The following MGST1 variants were observed in gnomAD, a reference collection of about 807,000 sequenced individuals.
MGST1 encodes the protein glutathione S-transferase 12.
Under a neutral mutation model 8.9 loss-of-function variants are expected in MGST1, and 5 were observed. That is an observed-to-expected ratio of 0.56 (90% CI 0.29 to 1.19). The LOEUF (loss-of-function observed/expected upper bound fraction) is 1.19. MGST1 is among the 50% of genes most tolerant of loss of function. The pLI, the probability that MGST1 is intolerant of heterozygous loss-of-function variation, is 0.08. For synonymous variants in MGST1, 54 were observed against 67.8 expected (o/e 0.80, Z 1.00); for missense variants, 182 against 187.4 (o/e 0.97, Z 0.17).
At chr12:16,454,660 C>T (rs1044109071) in intron 4 of MGST1, among the ~76,000 whole-genome samples, 8 of 151,568 alleles carry the variant, frequency 5.3e-5, no homozygotes, top group East Asian at 1.9e-4. Flanking sequence ...TCATTTCTGA[C>T]GTCACAGAAT....
At chr12:16,376,390 T>A in exon 4 of MGST1, 1 of 336,112 alleles carries the variant, frequency 3.0e-6, no homozygotes, top group Non-Finnish European at 5.4e-6. Context: ...ACAAAAACAC[T>A]GACAAAAATC....
At chr12:16,384,308 C>T (rs1026068149) in intron 1 of MGST1, among the ~76,000 whole-genome samples, 1 of 152,096 alleles carries the variant, frequency 6.6e-6, no homozygotes, top group East Asian at 1.9e-4. Context: ...AGGGTTTGGG[C>T]AGACATAATT....
intron 1 of MGST1, among the ~76,000 whole-genome samples, chr12:16,350,369 T>C (rs534965098): frequency 1.4e-3 from 216 of 152,364 alleles, no homozygotes; most frequent in African/African-American, 5.1e-3. Context: ...TGTGCAAACA[T>C]GATTGATCAT....
Position 16,587,732 on chromosome 12 carries a change from C to A in MGST1, n.483-1796C>A, listed in dbSNP as rs1325144991. ...GACAAACAATGATATGTATTACATG[C>A]AGTAAACACTGCCTTTGGTACACAG... is the stretch of plus-strand genomic sequence containing the variant. On this transcript the variant is annotated intron_variant and non_coding_transcript_variant, in intron 4 of 4. Coordinates refer to the MGST1 transcript ENST00000538857. The surrounding 1 kb of genome is among the most constrained non-coding windows in gnomAD (Gnocchi z 4.3). Among the ~76,000 whole-genome samples, 3 of 151,636 alleles carry A rather than the reference C, an allele frequency of 2.0e-5. No individual in the cohort carries two copies. The South Asian group carries it at 6.2e-4, about 31-fold the overall frequency.
chr12:16,436,271 G>A lies in MGST1; in HGVS notation n.779-1117G>A, dbSNP rs538961601. Among the ~76,000 whole-genome samples the A allele has an allele frequency of 4.3e-3, 654 of 152,052 alleles. 2 individuals are homozygous for A. The highest frequency in any genetic ancestry group is 8.0e-3 in the Non-Finnish European group (542 of 67,932). On this transcript the variant is annotated intron_variant and non_coding_transcript_variant, in intron 1 of 1. Coordinates refer to the MGST1 transcript ENST00000359720. ...AAAAGCACTCTTGTAGGTACTGTGC[G>A]TGATAAAACAGACAAGGCAGGCCCT...
At position 16,394,518 on chromosome 12, in the gene MGST1, CTTTCTTTCTT is replaced by C. The variant is rs1565446387; in HGVS notation, n.778+10916_778+10925del. Among the ~76,000 whole-genome samples, 516 of 77,694 alleles carry C rather than the reference CTTTCTTTCTT, an allele frequency of 6.6e-3. 10 individuals are homozygous for C. Among genetic ancestry groups the C allele is most frequent in the African/African-American group, 0.021 (406 of 19,580 alleles). The allele number at this position is 77,694 out of a possible 152,430, so 51.0% of individuals were successfully genotyped here. ...TCTTTCTCTCTCTTTCTCTCCCTTTCTTTCTTTCTTTCTTTCTTTCTTTCTTTCTTTCTTT... is the reference window on the plus strand; with the variant it reads ...TCTTTCTCTCTCTTTCTCTCCCTTTCTCTTTCTTTCTTTCTTTCTTTCTTT... On this transcript the variant is annotated intron_variant and non_coding_transcript_variant, in intron 1 of 1. Coordinates refer to the MGST1 transcript ENST00000359720.
intron 4 of MGST1, among the ~76,000 whole-genome samples, chr12:16,507,052 G>A (rs1708615543): frequency 6.6e-6 from 1 of 152,028 alleles, no homozygotes; most frequent in African/African-American, 2.4e-5. Flanking sequence ...TAACCACATG[G>A]ATTTGTGGAA....
Position 16,544,670 on chromosome 12 carries a change from AG to A in MGST1, n.483-44854del, listed in dbSNP as rs563947034. Among the ~76,000 whole-genome samples the A allele has an allele frequency of 6.6e-6, 1 of 152,196 alleles. No homozygotes were observed. The highest frequency in any genetic ancestry group is 1.5e-5 in the Non-Finnish European group (1 of 67,942). On this transcript the variant is annotated intron_variant and non_coding_transcript_variant, in intron 4 of 4. Coordinates refer to the MGST1 transcript ENST00000538857. The surrounding 1 kb of genome is among the most constrained non-coding windows in gnomAD (Gnocchi z 4.8). ...ACATAGGTTCAAGTCCTTATTTCTG[AG>A]GGGACAAAAATATCAAAATAATCCT... is the stretch of plus-strand genomic sequence containing the variant.
chr12:16,347,197 T>C (rs1939243645), upstream of MGST1: 1 of 152,238 alleles, frequency 6.6e-6, no homozygotes, highest in South Asian at 2.1e-4. The surrounding 1 kb of genome is among the most constrained non-coding windows in gnomAD (Gnocchi z 4.0). Flanking sequence ...AAGTGATCTT[T>C]ACTGAGGGTT....
intron 4 of MGST1, among the ~76,000 whole-genome samples, chr12:16,498,223 A>T (rs1941482457): frequency 6.6e-6 from 1 of 152,176 alleles, no homozygotes; most frequent in Non-Finnish European, 1.5e-5. Context: ...ATAAGAAAAG[A>T]CTTCTGGCTG....
intron 1 of MGST1, among the ~76,000 whole-genome samples, chr12:16,351,345 A>G (rs983056441): frequency 1.3e-5 from 2 of 152,208 alleles, no homozygotes; most frequent in African/African-American, 4.8e-5. Flanking sequence ...GACACATTAA[A>G]TGTTACCAAA....
At position 16,497,184 on chromosome 12, in the gene MGST1, C is replaced by A. The variant is rs1941476204; in HGVS notation, n.483-92344C>A. 6.6e-6 allele frequency among the ~76,000 whole-genome samples: 1 copy of A among 152,162 alleles called. No individual in the cohort carries two copies. The highest frequency in any genetic ancestry group is 2.1e-4 in the South Asian group (1 of 4,836). On this transcript the variant is annotated intron_variant and non_coding_transcript_variant, in intron 4 of 4. Coordinates refer to the MGST1 transcript ENST00000538857. This position sits in a 1 kb window ranked among gnomAD's most constrained non-coding sequence, Gnocchi z 4.4. Reference sequence around the variant, plus strand: ...AAATGTTTGGCATTTTAGGAAATTTCTTCTCAAGGGCTAGTCTTGAAATCA... The same window carrying A: ...AAATGTTTGGCATTTTAGGAAATTTATTCTCAAGGGCTAGTCTTGAAATCA...
chr12:16,513,725 G>T lies in MGST1; in HGVS notation n.483-75803G>T. On this transcript the variant is annotated intron_variant and non_coding_transcript_variant, in intron 4 of 4. Coordinates refer to the MGST1 transcript ENST00000538857. This position sits in a 1 kb window ranked among gnomAD's most constrained non-coding sequence, Gnocchi z 4.2. ...AAGGCATCTGCAGAAGTAGCCTTGGGCGAGAATAGCGAAGTCTCGAAAAGT... is the reference window on the plus strand; with the variant it reads ...AAGGCATCTGCAGAAGTAGCCTTGGTCGAGAATAGCGAAGTCTCGAAAAGT... The T allele has an allele frequency of 1.8e-6, 1 of 563,702 alleles. No individual in the cohort carries two copies. Among genetic ancestry groups the T allele is most frequent in the Admixed American group, 1.9e-5 (1 of 51,678 alleles). The allele number at this position is 563,702 out of a possible 1,614,324, so 34.9% of individuals were successfully genotyped here.
chr12:16,430,982 C>G (rs1281881789), intron 1 of MGST1, among the ~76,000 whole-genome samples: 1 of 152,198 alleles, frequency 6.6e-6, no homozygotes, highest in African/African-American at 2.4e-5. Flanking sequence ...ATGATCTTAG[C>G]CAGATCTTCT....
Position 16,401,803 on chromosome 12 carries a change from C to T in MGST1, n.778+18199C>T. 6.2e-7 allele frequency: 1 copy of T among 1,603,690 alleles called. No homozygotes were observed. The highest frequency in any genetic ancestry group is 8.5e-7 in the Non-Finnish European group (1 of 1,170,480). ...CTGTGTCAAACTTTCTCATCTGCATCAACTATTTCCATGACTCTTTCCTTG... is the reference window on the plus strand; with the variant it reads ...CTGTGTCAAACTTTCTCATCTGCATTAACTATTTCCATGACTCTTTCCTTG... On this transcript the variant is annotated intron_variant and non_coding_transcript_variant, in intron 1 of 1. Transcript: ENST00000359720. The surrounding 1 kb of genome is among the most constrained non-coding windows in gnomAD (Gnocchi z 4.3).
At chr12:16,384,455 G>A (rs781777078) in intron 1 of MGST1, among the ~76,000 whole-genome samples, 16 of 152,232 alleles carry the variant, frequency 1.1e-4, no homozygotes, top group African/African-American at 1.4e-4. Context: ...AGAGAGTGGG[G>A]TTACACAGCC....
intron 1 of MGST1, among the ~76,000 whole-genome samples, chr12:16,388,419 AC>A (rs1940523493): frequency 6.6e-6 from 1 of 152,026 alleles, no homozygotes; most frequent in South Asian, 2.1e-4. Context: ...ATGACTTGCA[AC>A]CCAGTGGGTT....
chr12:16,499,807 G>A (rs1252565479), intron 4 of MGST1, among the ~76,000 whole-genome samples: 1 of 152,134 alleles, frequency 6.6e-6, no homozygotes, highest in African/African-American at 2.4e-5. Context: ...CTTGGCTGTG[G>A]AATCCTGGCA....
At chr12:16,530,849 C>A (rs1941718194) in intron 4 of MGST1, among the ~76,000 whole-genome samples, 1 of 152,016 alleles carries the variant, frequency 6.6e-6, no homozygotes, top group Non-Finnish European at 1.5e-5. Context: ...ATATCACATG[C>A]CTCCCAGCAA....
Sources: allele counts gnomAD v4.1 joint callset (sites outside exome capture counted in the v4.1 genomes callset), GRCh38; gene constraint gnomAD v4.1.1; non-coding constraint Gnocchi (gnomAD v3.1); transcripts MANE v1.5; gene names NCBI Gene and HGNC (gene_info 2026-07-23, HGNC 2026-07-21).